The following ANKRD36 variants were observed in gnomAD, a reference collection of about 807,000 sequenced individuals.
ANKRD36 encodes ankyrin repeat domain-containing protein 36A.
A neutral mutation model predicts 278.1 loss-of-function variants in ANKRD36; 179 were observed. The observed-to-expected ratio is 0.64, with a 90% CI of 0.57 to 0.73. ANKRD36 has a LOEUF of 0.73. Ranked by LOEUF, ANKRD36 falls within the 30% of genes least tolerant of loss-of-function variation. The pLI, the probability that ANKRD36 is intolerant of heterozygous loss-of-function variation, is 0.00. For missense variants in ANKRD36, 1,159 were observed against 1,956.7 expected (o/e 0.59, Z 7.69); for synonymous variants, 320 against 641.1 (o/e 0.50, Z 7.57).
At chr2:97,121,090 A>G (rs1346451513) in intron 3 of ANKRD36, among the ~76,000 whole-genome samples, 3 of 152,170 alleles carry the variant, frequency 2.0e-5, no homozygotes, top group Non-Finnish European at 4.4e-5. Flanking sequence ...TTTAGTAAAT[A>G]TTTCAAGGTT....
chr2:97,193,668 A>G (rs940774379), intron 38 of ANKRD36, among the ~76,000 whole-genome samples: 8 of 151,682 alleles, frequency 5.3e-5, no homozygotes, highest in Non-Finnish European at 8.8e-5. Context: ...GCAGGAAACA[A>G]TGGTATAATT....
chr2:97,134,425 G>C (rs1436652887), intron 6 of ANKRD36, among the ~76,000 whole-genome samples: 1 of 152,132 alleles, frequency 6.6e-6, no homozygotes, highest in African/African-American at 2.4e-5. Flanking sequence ...CAGTGGAAAG[G>C]GACAATCTCA....
intron 1 of ANKRD36, among the ~76,000 whole-genome samples, chr2:97,117,396 G>C (rs369519817): frequency 6.6e-6 from 1 of 151,800 alleles, no homozygotes; most frequent in African/African-American, 2.4e-5. Context: ...TTAATGTAAG[G>C]CATCACGGAT....
chr2:97,153,591 T>G (rs2046676308), intron 14 of ANKRD36, among the ~76,000 whole-genome samples: 1 of 147,404 alleles, frequency 6.8e-6, no homozygotes, highest in Non-Finnish European at 1.5e-5. Context: ...AAATGAGAAT[T>G]GCACTCAGGT....
chr2:97,124,742 A>G (rs534114407), intron 5 of ANKRD36, 145 bp downstream of exon 5: 167 of 964,438 alleles, frequency 1.7e-4, no homozygotes, highest in African/African-American at 1.3e-3. Context: ...TAAGTTTTCG[A>G]GAGTTGTGCA....
intron 60 of ANKRD36, among the ~76,000 whole-genome samples, 181 bp from the exon 61 acceptor site, chr2:97,215,120 G>C (rs1488939343): frequency 2.7e-5 from 4 of 150,462 alleles, no homozygotes; most frequent in African/African-American, 9.8e-5. Context: ...CTTGAAACCT[G>C]TATTCCTGTT....
intron 29 of ANKRD36, 27 bp downstream of exon 29, chr2:97,185,371 T>G (rs767337961): frequency 4.3e-6 from 7 of 1,609,474 alleles, no homozygotes; most frequent in Non-Finnish European, 5.9e-6. Flanking sequence ...TTATATTTTG[T>G]ATTAGTAACT....
chr2:97,221,581 G>C (rs1459719652), intron 66 of ANKRD36, among the ~76,000 whole-genome samples: 2 of 141,910 alleles, frequency 1.4e-5, no homozygotes, highest in African/African-American at 5.4e-5. Flanking sequence ...GTCTTCTTTT[G>C]AGAAGTGTCT....
chr2:97,187,959 G>T (rs542559530), intron 32 of ANKRD36, among the ~76,000 whole-genome samples: 11 of 151,822 alleles, frequency 7.2e-5, no homozygotes, highest in Non-Finnish European at 1.2e-4. Context: ...CACTTCACAC[G>T]CATTTGGAAT....
intron 17 of ANKRD36, among the ~76,000 whole-genome samples, chr2:97,160,600 C>T (rs2923994): frequency 6.6e-6 from 1 of 151,898 alleles, no homozygotes. Context: ...TGCATGGTGA[C>T]ATGATTATTT....
At position 97,209,661 on chromosome 2, in the gene ANKRD36, G is replaced by A. The variant is rs755099571; in HGVS notation, c.3266-20G>A. 7 of 1,584,204 alleles carry A rather than the reference G, an allele frequency of 4.4e-6. No homozygotes were observed. The East Asian group carries it at 6.8e-5, about 15-fold the overall frequency. On this transcript the variant is annotated intron_variant, in intron 54 of 75. Coordinates refer to ENST00000420699, the MANE Select transcript of ANKRD36 (RefSeq NM_001354587.1). Reference sequence around the variant, plus strand: ...ATCATATTTACATGTGAGTGATTATGTATCCCTTTTGCTTTTCAGTGTCTT... The same window carrying A: ...ATCATATTTACATGTGAGTGATTATATATCCCTTTTGCTTTTCAGTGTCTT...
chr2:97,122,743 C>T (rs1041358847), intron 3 of ANKRD36, 144 bp from the exon 4 acceptor site: 36 of 589,760 alleles, frequency 6.1e-5, no homozygotes, highest in African/African-American at 1.2e-4. Flanking sequence ...AGAAAAGCAC[C>T]GAGGAGGGAA....
Position 97,245,646 on chromosome 2 carries a change from TC to T in ANKRD36, c.4983del (p.Arg1662GlufsTer14), listed in dbSNP as rs1392993890. On this transcript the variant is annotated frameshift_variant, in exon 71 of 76. Transcript: ENST00000420699. LOFTEE classifies it high-confidence loss of function. ...GCAACTTTCTAAAGCTGAGAGTAAG[TC>T]CAGAGTCCTCAAAACTGAGCTCCAT... ...SLQLSKAESK[S>X]RVLKTELHYT... is the part of the protein sequence containing the mutation. 1.3e-6 allele frequency: 2 copies of T among 1,528,256 alleles called. No individual in the cohort carries two copies. Among genetic ancestry groups the T allele is most frequent in the African/African-American group, 3.0e-5 (2 of 66,874 alleles). The allele number at this position is 1,528,256 out of a possible 1,614,324, so 94.7% of individuals were successfully genotyped here.
rs1323268595 is a variant in ANKRD36 at position 97,113,483 on chromosome 2, C to T, written c.-257C>T. ...CCTCCCGCGGCACCTCCGCAGCAAC[C>T]GCCGCCTGCACTGGGCGCGCGAGAG... On this transcript the variant is annotated 5_prime_UTR_variant, in exon 1 of 76. Transcript: ENST00000420699. 11 of 518,000 alleles carry T rather than the reference C, an allele frequency of 2.1e-5. No individual in the cohort carries two copies. The highest frequency in any genetic ancestry group is 4.0e-5 in the East Asian group (1 of 25,282). 32.1% of individuals were successfully genotyped at this position (518,000 alleles called of 1,614,324 possible). A position where few individuals can be genotyped will look rare whatever the true frequency, so the allele number is the denominator to read the frequency against.
intron 67 of ANKRD36, among the ~76,000 whole-genome samples, chr2:97,225,292 C>A (rs1313243357): frequency 6.6e-6 from 1 of 151,974 alleles, no homozygotes; most frequent in Non-Finnish European, 1.5e-5. Flanking sequence ...TTTTTTATTG[C>A]CAGTCACTAA....
intron 1 of ANKRD36, among the ~76,000 whole-genome samples, chr2:97,116,276 G>C (rs1308647564): frequency 2.6e-5 from 4 of 151,934 alleles, no homozygotes; most frequent in Non-Finnish European, 5.9e-5. Context: ...TTATGTCTTT[G>C]TTTGTTTGTT....
chr2:97,198,608 C>G lies in ANKRD36; in HGVS notation c.2705C>G (p.Ser902Cys). 6.5e-7 allele frequency: 1 copy of G among 1,545,740 alleles called. No homozygotes were observed. The highest frequency in any genetic ancestry group is 8.7e-7 in the Non-Finnish European group (1 of 1,143,940). ...GLKASSAEKD[S>C]VLNIARGKKD... ...CAGGCTTCAAGTGCCGAGAAAGATT[C>G]TGTTTTGAATATAGCCAGAGGAAAA... is the stretch of plus-strand genomic sequence containing the variant. Residue 902 changes from serine (S) to cysteine (C), a missense_variant, in exon 44 of 76, where the codon TCT (serine) becomes TGT (cysteine). Transcript: ENST00000420699.
At chr2:97,229,547 G>A (rs548607750) in intron 67 of ANKRD36, among the ~76,000 whole-genome samples, 4,481 of 151,984 alleles carry the variant, frequency 0.029, 120 homozygotes, top group Middle Eastern at 0.048. Flanking sequence ...ACGTGAGATG[G>A]GTTTCCTGAA....
chr2:97,160,733 T>C (rs1432669313), intron 17 of ANKRD36, among the ~76,000 whole-genome samples: 1 of 152,102 alleles, frequency 6.6e-6, no homozygotes, highest in Non-Finnish European at 1.5e-5. Context: ...AGGTTTTACA[T>C]TTCTCTCTTA....
Sources: allele counts gnomAD v4.1 joint callset (sites outside exome capture counted in the v4.1 genomes callset), GRCh38; gene constraint gnomAD v4.1.1; transcripts MANE v1.5; gene names NCBI Gene and HGNC (gene_info 2026-07-23, HGNC 2026-07-21).